SMYD4: variants seen among roughly 807,000 people sequenced by gnomAD.
SMYD4 encodes the protein protein-lysine N-methyltransferase SMYD4.
SMYD4 carries 68 observed loss-of-function variants against 72.8 expected under a neutral mutation model. The ratio of observed to expected loss-of-function variants is 0.93; its 90% confidence interval spans 0.77 to 1.14. SMYD4 has a LOEUF of 1.14. SMYD4 is among the 50% of genes most tolerant of loss of function. The pLI, the probability that SMYD4 is intolerant of heterozygous loss-of-function variation, is 0.00. For synonymous variants in SMYD4, 407 were observed against 388.6 expected (o/e 1.05, Z -0.56); for missense variants, 984 against 1,003.7 (o/e 0.98, Z 0.27).
At chr17:1,810,789 G>A (rs1910293815) in intron 3 of SMYD4, among the ~76,000 whole-genome samples, 2 of 152,242 alleles carry the variant, frequency 1.3e-5, no homozygotes, top group Non-Finnish European at 2.9e-5. Context: ...TCAGGAGTAT[G>A]CCGGCGGAAG....
At chr17:1,795,477 G>A (rs867656839) in intron 5 of SMYD4, among the ~76,000 whole-genome samples, 2 of 150,440 alleles carry the variant, frequency 1.3e-5, no homozygotes, top group South Asian at 4.2e-4. Context: ...GAGACTTGCT[G>A]TGTCACCCTG....
In SMYD4 at chr17:1,789,764, C is replaced by CCAAAAAAAAAAAAAAA. The variant is rs71150816; in HGVS notation, c.1538-2161_1538-2160insTTTTTTTTTTTTTTTG. ...TGGGTGAAAGAGCGAGACTCTGTCT[C>CCAAAAAAAAAAAAAAA]AAAAAAAAAAAAAAAGTTTTATAAA... On this transcript the variant is annotated intron_variant, in intron 5 of 10. Transcript: ENST00000305513. Among the ~76,000 whole-genome samples, 37 of 90,088 alleles carry CCAAAAAAAAAAAAAAA rather than the reference C, an allele frequency of 4.1e-4. 6 individuals are homozygous for CCAAAAAAAAAAAAAAA. Among genetic ancestry groups the CCAAAAAAAAAAAAAAA allele is most frequent in the South Asian group, 1.1e-3 (3 of 2,784 alleles). The allele number at this position is 90,088 out of a possible 152,430, so 59.1% of individuals were successfully genotyped here. A position where few individuals can be genotyped will look rare whatever the true frequency, so the allele number is the denominator to read the frequency against.
chr17:1,796,943 C>T (rs1051209728), intron 5 of SMYD4, among the ~76,000 whole-genome samples: 1 of 152,100 alleles, frequency 6.6e-6, no homozygotes, highest in Non-Finnish European at 1.5e-5. Flanking sequence ...CACAAAGAAG[C>T]AAAGGAGGGC....
At chr17:1,811,268 G>A (rs543122192) in intron 3 of SMYD4, among the ~76,000 whole-genome samples, 1 of 152,274 alleles carries the variant, frequency 6.6e-6, no homozygotes, top group East Asian at 1.9e-4. Flanking sequence ...CACCTCCATC[G>A]CACGCCCTGC....
At chr17:1,788,917 C>CTTAAA (rs1567767485) in intron 5 of SMYD4, among the ~76,000 whole-genome samples, 1 of 152,158 alleles carries the variant, frequency 6.6e-6, no homozygotes. Flanking sequence ...CACAGAAACG[C>CTTAAA]TTAAATTATC....
At chr17:1,817,849 C>G (rs1597395278) in intron 2 of SMYD4, among the ~76,000 whole-genome samples, 1 of 151,978 alleles carries the variant, frequency 6.6e-6, no homozygotes, top group South Asian at 2.1e-4. Context: ...AGATTGAGAC[C>G]ATCCTGGCTA....
chr17:1,790,853 G>A (rs556709944), intron 5 of SMYD4, among the ~76,000 whole-genome samples: 20 of 150,554 alleles, frequency 1.3e-4, no homozygotes, highest in African/African-American at 4.4e-4. Flanking sequence ...CATGCCGGGC[G>A]CGGTGGCTCA....
At position 1,800,249 on chromosome 17, in the gene SMYD4, G is replaced by C. The variant is rs3809875; in HGVS notation, c.1145C>G (p.Pro382Arg). 472,123 of 1,613,902 alleles carry C rather than the reference G, an allele frequency of 0.29. 70,822 individuals are homozygous for C. Among genetic ancestry groups the C allele is most frequent in the African/African-American group, 0.4 (29,664 of 74,904 alleles). The change falls in exon 5 of 11, where the codon CCT becomes CGT. Residue 382 changes from proline (P) to arginine (R), a missense_variant. Transcript: ENST00000305513. ...DKISNKDICL[P>R]ESNNQVKTLN... The stretch of plus-strand genomic sequence containing the variant: ...TGTCTTGACCTGATTGTTGCTTTCA[G>C]GTAAACAGATGTCCTTGTTACTAAT...
chr17:1,805,841 T>TA (rs752542059), intron 3 of SMYD4, among the ~76,000 whole-genome samples: 3 of 63,574 alleles, frequency 4.7e-5, no homozygotes, highest in African/African-American at 3.9e-4. Flanking sequence ...AAAATAATAA[T>TA]ATATATATAT....
rs1410469504 is a variant in SMYD4 at position 1,828,654 on chromosome 17, G to C, written c.-12-648C>G. Among the ~76,000 whole-genome samples, 5 of 148,454 alleles carry C rather than the reference G, an allele frequency of 3.4e-5. No individual in the cohort carries two copies. The East Asian group carries it at 1.0e-3, about 30-fold the overall frequency. ...GCTCTGTCACCCAGGCTGGAGTGCA[G>C]TGGCACCATCTCGGCTCACTGCACC... is the stretch of plus-strand genomic sequence containing the variant. On this transcript the variant is annotated intron_variant, in intron 1 of 10. Transcript: ENST00000305513.
In SMYD4 at chr17:1,827,965, T is replaced by C. The variant is rs148237626; in HGVS notation, c.30A>G (p.Ser10=). The C allele has an allele frequency of 1.2e-5, 19 of 1,613,106 alleles. No individual in the cohort carries two copies. Among genetic ancestry groups the C allele is most frequent in the Non-Finnish European group, 1.5e-5 (18 of 1,179,260 alleles). ...GTGAAGCCCACTTTTGAAGCAGATA[T>C]GATTTCCATTCATCCACAGGCAGAT... is the stretch of plus-strand genomic sequence containing the variant. The part of the protein sequence containing the change: MDLPVDEWK[S]YLLQKWASLP... Residue 10 remains serine (S), a synonymous_variant, in exon 2 of 11, where the codon TCA becomes TCG. Coordinates refer to ENST00000305513, the MANE Select transcript of SMYD4 (RefSeq NM_052928.3).
chr17:1,801,155 T>A, intron 4 of SMYD4, 131 bp from the exon 5 acceptor site: 1 of 767,964 alleles, frequency 1.3e-6, no homozygotes, highest in Admixed American at 2.9e-5. Flanking sequence ...CACATGCTTA[T>A]TAAAATCATA....
At chr17:1,783,632 A>C in intron 8 of SMYD4, 156 bp from the exon 9 acceptor site, 4 of 1,309,872 alleles carry the variant, frequency 3.1e-6, no homozygotes, top group Non-Finnish European at 3.1e-6. Flanking sequence ...TGTTCCAATA[A>C]AGCTGCTGTT....
Position 1,781,794 on chromosome 17 carries a change from G to C in SMYD4, c.2262-355C>G, listed in dbSNP as rs1753211795. 1.7e-5 allele frequency: 3 copies of C among 173,478 alleles called. No individual in the cohort carries two copies. The East Asian group carries it at 5.3e-4, about 30-fold the overall frequency. 10.7% of individuals were successfully genotyped at this position (173,478 alleles called of 1,614,324 possible). A position where few individuals can be genotyped will look rare whatever the true frequency, so the allele number is the denominator to read the frequency against. On this transcript the variant is annotated intron_variant, in intron 10 of 10. Transcript: ENST00000305513. Reference sequence around the variant, plus strand: ...GTGATTCTCCTGCCTCAACCTCCTGGGCAGCTGGATTACAGGCGTGAGCTA... The same window carrying C: ...GTGATTCTCCTGCCTCAACCTCCTGCGCAGCTGGATTACAGGCGTGAGCTA...
At chr17:1,787,001 T>C (rs1467946721) in intron 6 of SMYD4, 28 bp from the exon 7 acceptor site, 5 of 1,542,088 alleles carry the variant, frequency 3.2e-6, no homozygotes, top group Admixed American at 1.9e-5. Context: ...TCAGCCAATA[T>C]TGAAAGCAAG....
intron 6 of SMYD4, 119 bp downstream of exon 6, chr17:1,787,303 C>T: frequency 7.5e-7 from 1 of 1,326,346 alleles, no homozygotes; most frequent in Non-Finnish European, 1.0e-6. Context: ...GTGTTCACTG[C>T]CTCTTCCAGG....
chr17:1,784,796 A>G (rs896608320), intron 7 of SMYD4, among the ~76,000 whole-genome samples: 4 of 151,672 alleles, frequency 2.6e-5, no homozygotes, highest in Non-Finnish European at 5.9e-5. Flanking sequence ...TTTGAGATGG[A>G]GTCTCGCTCG....
chr17:1,817,863 T>C (rs113631108), intron 2 of SMYD4, among the ~76,000 whole-genome samples: 6,572 of 151,760 alleles, frequency 0.043, 484 homozygotes, highest in African/African-American at 0.15. Flanking sequence ...CTGGCTAACA[T>C]GGTGAAACCC....
At chr17:1,803,772 T>C (rs1019169996) in intron 4 of SMYD4, among the ~76,000 whole-genome samples, 2 of 152,136 alleles carry the variant, frequency 1.3e-5, no homozygotes, top group African/African-American at 4.8e-5. Flanking sequence ...GTGCTGGGAT[T>C]ACAGGCGTGA....
Sources: allele counts gnomAD v4.1 joint callset (sites outside exome capture counted in the v4.1 genomes callset), GRCh38; gene constraint gnomAD v4.1.1; transcripts MANE v1.5; gene names NCBI Gene and HGNC (gene_info 2026-07-23, HGNC 2026-07-21).